The following FSCN2 variants were observed in gnomAD, a reference collection of about 807,000 sequenced individuals.
FSCN2 encodes fascin-2.
In FSCN2, 46 loss-of-function variants were observed where a neutral mutation model predicts 37.8. That is an observed-to-expected ratio of 1.22 (90% confidence interval 0.96 to 1.56). FSCN2 has a LOEUF of 1.56. FSCN2 is among the 40% of genes most tolerant of loss of function. The pLI is 0.00. For synonymous variants in FSCN2, 351 were observed against 309.4 expected (o/e 1.13, Z -1.41); for missense variants, 844 against 730.4 (o/e 1.16, Z -1.79).
rs781818208 is a variant in FSCN2 at position 81,528,904 on chromosome 17, G to A, written c.373G>A (p.Val125Ile). 41 of 1,586,152 alleles carry A rather than the reference G, an allele frequency of 2.6e-5. No homozygotes were observed. The highest frequency in any genetic ancestry group is 1.0e-4 in the South Asian group (9 of 87,574). ...EDQLSCFATAVSPAELWTVHL... is the reference protein window; with the variant it reads ...EDQLSCFATAISPAELWTVHL... ...CCAGCTGTCCTGCTTCGCCACAGCC[G>A]TTTCCCCGGCCGAGCTGTGGACCGT... The change falls in exon 1 of 5, where the codon GTT becomes ATT. Residue 125 changes from valine (V) to isoleucine (I), a missense_variant. Transcript: ENST00000417245.
chr17:81,529,247 A>C lies in FSCN2; in HGVS notation c.716A>C (p.Lys239Thr). 2 of 1,597,768 alleles carry C rather than the reference A, an allele frequency of 1.3e-6. No homozygotes were observed. The highest frequency in any genetic ancestry group is 1.7e-4 in the Middle Eastern group (1 of 6,022). The change falls in exon 1 of 5, where the codon AAG becomes ACG. Residue 239 changes from lysine to threonine, a missense_variant. Transcript: ENST00000417245. ...LAPVGPAGTL[K>T]AGRNTRPGKD... ...CCCGTGGGGCCCGCAGGCACCCTCA[A>C]GGCCGGCCGAAACACGCGACCTGGC... is the stretch of plus-strand genomic sequence containing the variant.
chr17:81,532,617 ATAATGGTGATGATGG>A lies in FSCN2; in HGVS notation c.827-2433_827-2419del, dbSNP rs1258081637. Among the ~76,000 whole-genome samples the A allele has an allele frequency of 1.7e-4, 22 of 132,740 alleles. No homozygotes were observed. The East Asian group carries it at 4.8e-3, about 29-fold the overall frequency. The allele number at this position is 132,740 out of a possible 152,430, so 87.1% of individuals were successfully genotyped here. ...GATGGTGATGATGGTGATGGTGATG[ATAATGGTGATGATGG>A]TGATGGTGATGATGGTGGTGATGGT... On this transcript the variant is annotated intron_variant, in intron 1 of 4. Transcript: ENST00000417245.
the FSCN2 span, among the ~76,000 whole-genome samples, chr17:81,521,916 T>C: frequency 2.6e-5 from 4 of 152,220 alleles, no homozygotes; most frequent in Non-Finnish European, 5.9e-5. Context: ...ATCATACAAC[T>C]TCGGTAATGA....
chr17:81,535,900 C>T (rs1433634042), intron 2 of FSCN2, among the ~76,000 whole-genome samples: 2 of 149,494 alleles, frequency 1.3e-5, no homozygotes, highest in Non-Finnish European at 3.0e-5. Flanking sequence ...TTCACCATCC[C>T]CACCACCGTT....
In FSCN2 at chr17:81,536,287, G is replaced by T; in HGVS notation, c.1105+20G>T. 6.3e-7 allele frequency: 1 copy of T among 1,587,022 alleles called. No individual in the cohort carries two copies. Among genetic ancestry groups the T allele is most frequent in the Non-Finnish European group, 8.6e-7 (1 of 1,167,898 alleles). Reference sequence around the variant, plus strand: ...TTGTCGGTGAGCACTCTGCCTGCCAGGTACTGGGGCAGGGGCTGTCTCCAC... The same window carrying T: ...TTGTCGGTGAGCACTCTGCCTGCCATGTACTGGGGCAGGGGCTGTCTCCAC... On this transcript the variant is annotated intron_variant, in intron 3 of 4. Transcript: ENST00000417245.
chr17:81,517,765 C>A, the FSCN2 span, among the ~76,000 whole-genome samples: 1 of 151,200 alleles, frequency 6.6e-6, no homozygotes, highest in Non-Finnish European at 1.5e-5. Flanking sequence ...CGGCCGCCCC[C>A]CCCCCCTCCA....
the FSCN2 span, among the ~76,000 whole-genome samples, chr17:81,518,730 T>G: frequency 6.6e-6 from 1 of 152,152 alleles, no homozygotes; most frequent in African/African-American, 2.4e-5. Context: ...CCGCCCCTCC[T>G]GCTCTGGCCA....
At chr17:81,517,934 C>T in the FSCN2 span, among the ~76,000 whole-genome samples, 1 of 152,152 alleles carries the variant, frequency 6.6e-6, no homozygotes, top group Admixed American at 6.5e-5. Context: ...CAGAAACCAC[C>T]GTCCCAGGCC....
rs782406610 is a variant in FSCN2, at chr17:81,528,987, G to C, written c.456G>C (p.Val152=). Residue 152 remains valine (V), a synonymous_variant, in exon 1 of 5, where the codon GTG becomes GTC. Transcript: ENST00000417245. The part of the protein sequence containing the change: ...HLLSVSRRRY[V]HLCPREDEMA... Reference sequence around the variant, plus strand: ...TGAGCGTGAGCCGGCGGCGCTACGTGCACCTGTGCCCGCGGGAGGACGAGA... The same window carrying C: ...TGAGCGTGAGCCGGCGGCGCTACGTCCACCTGTGCCCGCGGGAGGACGAGA... 6.3e-7 allele frequency: 1 copy of C among 1,585,036 alleles called. No individual in the cohort carries two copies. The highest frequency in any genetic ancestry group is 1.1e-5 in the South Asian group (1 of 87,622).
chr17:81,528,372 G>A (rs954116242), upstream of FSCN2: 18 of 603,184 alleles, frequency 3.0e-5, no homozygotes, highest in South Asian at 1.6e-4. Flanking sequence ...CTGCTGCCGC[G>A]GGTCAGAGGC....
At chr17:81,533,154 G>A (rs971574995) in intron 1 of FSCN2, among the ~76,000 whole-genome samples, 14 of 152,220 alleles carry the variant, frequency 9.2e-5, no homozygotes, top group Admixed American at 4.6e-4. Flanking sequence ...GCCCTTCATC[G>A]AGGCATCTCC....
In FSCN2 at chr17:81,536,566, G is replaced by A. The variant is rs572825161; in HGVS notation, c.1106-56G>A. On this transcript the variant is annotated intron_variant, in intron 3 of 4. Transcript: ENST00000417245. Reference sequence around the variant, plus strand: ...GTTTCCCAGGGCCCCCACCCCGCCCGGCCTGGACAGGGAAGGTGGCGGGAG... The same window carrying A: ...GTTTCCCAGGGCCCCCACCCCGCCCAGCCTGGACAGGGAAGGTGGCGGGAG... 3 of 1,597,814 alleles carry A rather than the reference G, an allele frequency of 1.9e-6. No homozygotes were observed. Among genetic ancestry groups the A allele is most frequent in the East Asian group, 2.2e-5 (1 of 44,670 alleles).
intron 1 of FSCN2, among the ~76,000 whole-genome samples, chr17:81,531,506 G>GATGGGTA (rs2032598486): frequency 6.9e-6 from 1 of 144,780 alleles, no homozygotes; most frequent in Non-Finnish European, 1.5e-5. Context: ...TGGTGATGGT[G>GATGGGTA]GTGATGGTGA....
chr17:81,530,666 G>A lies in FSCN2; in HGVS notation c.826+1309G>A, dbSNP rs368275647. 107 of 500,400 alleles carry A rather than the reference G, an allele frequency of 2.1e-4. 1 individual carries two copies. The highest frequency in any genetic ancestry group is 1.4e-3 in the South Asian group (98 of 69,318). 31.0% of individuals were successfully genotyped at this position (500,400 alleles called of 1,614,324 possible). ...GTGCCCACCAAGCCCCCACCCTGAC[G>A]GATGTCCAGGCCCCCTGGGTACACT... On this transcript the variant is annotated intron_variant, in intron 1 of 4. Coordinates refer to ENST00000417245, the MANE Select transcript of FSCN2 (RefSeq NM_012418.4).
In FSCN2 at chr17:81,528,450, C is replaced by T. The variant is rs2032420516; in HGVS notation, c.-82C>T. On this transcript the variant is annotated 5_prime_UTR_variant, in exon 1 of 5. Transcript: ENST00000417245. ...GGGGCTGTGGGCCAGCCGAGCCGACCCGGGCTTCTGGGGGACCGCGGGGGC... is the reference window on the plus strand; with the variant it reads ...GGGGCTGTGGGCCAGCCGAGCCGACTCGGGCTTCTGGGGGACCGCGGGGGC... 1.4e-5 allele frequency: 15 copies of T among 1,100,704 alleles called. No individual in the cohort carries two copies. Among genetic ancestry groups the T allele is most frequent in the South Asian group, 1.5e-5 (1 of 66,214 alleles). The allele number at this position is 1,100,704 out of a possible 1,614,324, so 68.2% of individuals were successfully genotyped here.
chr17:81,528,921 G>C lies in FSCN2; in HGVS notation c.390G>C (p.Leu130=). 1 of 1,591,236 alleles carries C rather than the reference G, an allele frequency of 6.3e-7. No homozygotes were observed. Among genetic ancestry groups the C allele is most frequent in the African/African-American group, 1.3e-5 (1 of 74,662 alleles). The change falls in exon 1 of 5, where the codon CTG becomes CTC. Residue 130 remains leucine (L), a synonymous_variant. Transcript: ENST00000417245. ...CFATAVSPAE[L]WTVHLAIHPQ... ...CCACAGCCGTTTCCCCGGCCGAGCT[G>C]TGGACCGTGCACCTGGCCATCCACC...
In FSCN2 at chr17:81,528,907, T is replaced by C; in HGVS notation, c.376T>C (p.Ser126Pro). The change falls in exon 1 of 5, where the codon TCC (serine) becomes CCC (proline). Residue 126 changes from serine (S) to proline (P), a missense_variant. Ser to Pro is a moderately conservative substitution (Grantham distance 74). Transcript: ENST00000417245. ...GCTGTCCTGCTTCGCCACAGCCGTTTCCCCGGCCGAGCTGTGGACCGTGCA... is the reference window on the plus strand; with the variant it reads ...GCTGTCCTGCTTCGCCACAGCCGTTCCCCCGGCCGAGCTGTGGACCGTGCA... The part of the protein sequence containing the change: ...DQLSCFATAV[S>P]PAELWTVHLA... 1 of 1,587,604 alleles carries C rather than the reference T, an allele frequency of 6.3e-7. No homozygotes were observed. The highest frequency in any genetic ancestry group is 8.5e-7 in the Non-Finnish European group (1 of 1,170,636).
chr17:81,534,059 G>A (rs924440713), intron 1 of FSCN2, among the ~76,000 whole-genome samples: 11 of 152,210 alleles, frequency 7.2e-5, no homozygotes, highest in African/African-American at 2.7e-4. Context: ...GGGGATGCTG[G>A]CACGAATACT....
the FSCN2 span, among the ~76,000 whole-genome samples, chr17:81,516,782 A>C: frequency 2.0e-5 from 3 of 152,088 alleles, no homozygotes; most frequent in South Asian, 4.1e-4. Flanking sequence ...CTGCGGAGTC[A>C]CTGGGCAGCT....
Sources: allele counts gnomAD v4.1 joint callset (sites outside exome capture counted in the v4.1 genomes callset), GRCh38; gene constraint gnomAD v4.1.1; transcripts MANE v1.5; gene names NCBI Gene and HGNC (gene_info 2026-07-23, HGNC 2026-07-21).